Variants in DBX2 observed in about 807,000 individuals in gnomAD.
DBX2 encodes homeobox protein DBX2.
Under a neutral mutation model 17.7 loss-of-function variants are expected in DBX2, and 16 were observed. The observed-to-expected ratio is 0.90, with a 90% CI of 0.61 to 1.37. DBX2 has a LOEUF of 1.37. Ranked by LOEUF, DBX2 falls within the 40% of genes most tolerant of loss-of-function variation. DBX2 has a pLI of 0.00. For missense variants in DBX2, 538 were observed against 433.8 expected, an observed-to-expected ratio of 1.24 and a Z score of -2.13; for synonymous variants, 255 against 183.8, an observed-to-expected ratio of 1.39 and a Z score of -3.13.
chr12:45,050,392 C>A, intron 1 of DBX2, 133 bp downstream of exon 1: 1 of 1,271,254 alleles, frequency 7.9e-7, no homozygotes, highest in Non-Finnish European at 1.1e-6. Flanking sequence ...TCCACTAAAG[C>A]TCGAGATGCT....
chr12:45,041,833 T>C (rs989909834), intron 1 of DBX2, among the ~76,000 whole-genome samples: 1 of 152,216 alleles, frequency 6.6e-6, no homozygotes, highest in African/African-American at 2.4e-5. Flanking sequence ...TTTATATTTT[T>C]TAATATTCTT....
intron 1 of DBX2, among the ~76,000 whole-genome samples, chr12:45,040,689 G>A (rs991552903): frequency 6.6e-6 from 1 of 151,990 alleles, no homozygotes; most frequent in Non-Finnish European, 1.5e-5. Context: ...TTTTAACTTA[G>A]CTGACTAGAT....
In DBX2 at chr12:45,023,704, T is replaced by C. The variant is rs1313847565; in HGVS notation, c.687+3A>G. The C allele has an allele frequency of 2.5e-6, 4 of 1,614,144 alleles. No homozygotes were observed. Among genetic ancestry groups the C allele is most frequent in the South Asian group, 1.1e-5 (1 of 91,070 alleles). On this transcript the variant is annotated splice_donor_region_variant and intron_variant, in intron 3 of 3. Transcript: ENST00000332700. ...CAGTAGACATCTTCCTGCTTATTAGTACCTGTGATTCCTTTAGTCCCAAGT... is the reference window on the plus strand; with the variant it reads ...CAGTAGACATCTTCCTGCTTATTAGCACCTGTGATTCCTTTAGTCCCAAGT...
At chr12:45,041,917 T>C (rs541096090) in intron 1 of DBX2, among the ~76,000 whole-genome samples, 4 of 152,336 alleles carry the variant, frequency 2.6e-5, no homozygotes, top group Non-Finnish European at 5.9e-5. Context: ...TTCAGTTTTG[T>C]TCAGTGAAAC....
chr12:45,032,125 A>G (rs776507443), intron 2 of DBX2, among the ~76,000 whole-genome samples: 6 of 152,218 alleles, frequency 3.9e-5, no homozygotes, highest in Non-Finnish European at 7.4e-5. Flanking sequence ...AGAGCCATCA[A>G]CTTGGAAAAT....
At chr12:45,022,961 GTTTCTTCTTTTTCCA>G (rs1946361688) in intron 3 of DBX2, among the ~76,000 whole-genome samples, 1 of 152,174 alleles carries the variant, frequency 6.6e-6, no homozygotes, top group South Asian at 2.1e-4. Flanking sequence ...CCTACGTTCA[GTTTCTTCTTTTTCCA>G]TTTAGAAAAC....
chr12:45,026,129 CACTGGGCTCAGAG>C (rs1316254995), intron 2 of DBX2, among the ~76,000 whole-genome samples: 3 of 152,330 alleles, frequency 2.0e-5, no homozygotes, highest in East Asian at 3.9e-4. Flanking sequence ...AAGGTAACCA[CACTGGGCTCAGAG>C]TGAGTAGCAG....
At position 45,050,788 on chromosome 12, in the gene DBX2, C is replaced by A. The variant is rs1435468234; in HGVS notation, c.140G>T (p.Gly47Val). 1 of 1,526,252 alleles carries A rather than the reference C, an allele frequency of 6.6e-7. No individual in the cohort carries two copies. The highest frequency in any genetic ancestry group is 1.4e-5 in the African/African-American group (1 of 69,892). 94.5% of individuals were successfully genotyped at this position (1,526,252 alleles called of 1,614,324 possible). ...CTGCAGCCTGGGCGTTGGGGCGCCCCCGACCCGCAGCAAATTCTCGATCAG... is the reference window on the plus strand; with the variant it reads ...CTGCAGCCTGGGCGTTGGGGCGCCCACGACCCGCAGCAAATTCTCGATCAG... ...SFLIENLLRV[G>V]GAPTPRLQPP... The change falls in exon 1 of 4, where the codon GGG becomes GTG. Residue 47 changes from glycine (G) to valine (V), a missense_variant. Physicochemically the swap from Gly to Val is moderately radical, Grantham distance 109 (BLOSUM62 -3). Transcript: ENST00000332700.
chr12:45,022,396 T>A (rs2731044), intron 3 of DBX2, among the ~76,000 whole-genome samples: 1 of 148,444 alleles, frequency 6.7e-6, no homozygotes, highest in Non-Finnish European at 1.5e-5. Flanking sequence ...CTCTGCCTCC[T>A]GGGTTCACGC....
chr12:45,038,012 A>C (rs1946449548), intron 1 of DBX2, among the ~76,000 whole-genome samples: 1 of 152,070 alleles, frequency 6.6e-6, no homozygotes, highest in Admixed American at 6.5e-5. Context: ...TTGTTATCAT[A>C]AGTTGTTCTT....
chr12:45,032,143 C>G (rs1946414115), intron 2 of DBX2, among the ~76,000 whole-genome samples: 1 of 152,038 alleles, frequency 6.6e-6, no homozygotes, highest in African/African-American at 2.4e-5. Context: ...AATCTATTGT[C>G]TTTGAGTCTC....
At chr12:45,036,981 C>T (rs1030839646) in intron 1 of DBX2, among the ~76,000 whole-genome samples, 1 of 152,082 alleles carries the variant, frequency 6.6e-6, no homozygotes, top group Admixed American at 6.5e-5. Flanking sequence ...ATTATTACTC[C>T]TGTGCAAAAG....
chr12:45,022,761 C>T, intron 3 of DBX2, among the ~76,000 whole-genome samples: 1 of 152,174 alleles, frequency 6.6e-6, no homozygotes. Context: ...CAACAGAAAA[C>T]TCAATCTGGC....
chr12:45,029,083 T>G (rs1946395868), intron 2 of DBX2, among the ~76,000 whole-genome samples: 1 of 152,240 alleles, frequency 6.6e-6, no homozygotes, highest in Non-Finnish European at 1.5e-5. Context: ...CTAAATTTTA[T>G]GTCTCCAAAA....
intron 2 of DBX2, among the ~76,000 whole-genome samples, chr12:45,032,780 G>T (rs918968515): frequency 1.3e-5 from 2 of 151,906 alleles, no homozygotes; most frequent in African/African-American, 4.8e-5. Flanking sequence ...AAAATTCAAA[G>T]GTCAAATTCA....
At chr12:45,049,181 G>GA (rs1196391669) in intron 1 of DBX2, among the ~76,000 whole-genome samples, 20 of 152,258 alleles carry the variant, frequency 1.3e-4, no homozygotes, top group African/African-American at 4.1e-4. Flanking sequence ...AGGAATCCTT[G>GA]AAAAATAACT....
At chr12:45,029,576 C>G (rs1414720473) in intron 2 of DBX2, among the ~76,000 whole-genome samples, 1 of 152,034 alleles carries the variant, frequency 6.6e-6, no homozygotes, top group East Asian at 1.9e-4. Flanking sequence ...CAGAATGACC[C>G]AGAATAGGCT....
intron 1 of DBX2, among the ~76,000 whole-genome samples, chr12:45,045,449 A>G (rs1946494745): frequency 6.6e-6 from 1 of 152,234 alleles, no homozygotes; most frequent in South Asian, 2.1e-4. Context: ...GATTTTATGA[A>G]CACGATTAAA....
chr12:45,034,448 C>A (rs975254003), intron 2 of DBX2, among the ~76,000 whole-genome samples: 1 of 152,096 alleles, frequency 6.6e-6, no homozygotes, highest in Non-Finnish European at 1.5e-5. Context: ...TTTTCAATTG[C>A]CCTCACAGGA....
Sources: allele counts gnomAD v4.1 joint callset (sites outside exome capture counted in the v4.1 genomes callset), GRCh38; gene constraint gnomAD v4.1.1; transcripts MANE v1.5; gene names NCBI Gene and HGNC (gene_info 2026-07-23, HGNC 2026-07-21).